FAM81B: variants seen among roughly 807,000 people sequenced by gnomAD.
The protein encoded by FAM81B is protein FAM81B.
FAM81B carries 60 observed loss-of-function variants against 58.7 expected under a neutral mutation model. The observed-to-expected ratio is 1.02, with a 90% CI of 0.83 to 1.27. The LOEUF is 1.27. Among genes scored for constraint, FAM81B ranks in the 50% most tolerant of loss-of-function variants. The pLI is 0.00. For missense variants in FAM81B, 491 were observed against 522.0 expected (o/e 0.94, Z 0.58); for synonymous variants, 189 against 179.6 (o/e 1.05, Z -0.42).
chr5:95,443,475 T>A (rs1745442208), intron 7 of FAM81B, among the ~76,000 whole-genome samples: 1 of 152,182 alleles, frequency 6.6e-6, no homozygotes, highest in Non-Finnish European at 1.5e-5. Flanking sequence ...TCTGTATACA[T>A]CTAATAGAAA....
At chr5:95,435,239 T>G (rs1214262052) in intron 6 of FAM81B, among the ~76,000 whole-genome samples, 1 of 152,236 alleles carries the variant, frequency 6.6e-6, no homozygotes, top group Non-Finnish European at 1.5e-5. Context: ...CACATTTTCA[T>G]GTGAAACACT....
chr5:95,440,815 G>C, intron 7 of FAM81B: 1 of 230,618 alleles, frequency 4.3e-6, no homozygotes, highest in Non-Finnish European at 8.7e-6. Flanking sequence ...CTATGTTCTA[G>C]TGCTTTTTTC....
At chr5:95,430,469 C>T (rs774144756) in intron 6 of FAM81B, among the ~76,000 whole-genome samples, 3 of 150,626 alleles carry the variant, frequency 2.0e-5, no homozygotes, top group Non-Finnish European at 4.4e-5. Context: ...ATATCCTGAA[C>T]ATCTTTCCAT....
At chr5:95,444,172 G>T (rs1745466923) in intron 7 of FAM81B, among the ~76,000 whole-genome samples, 1 of 152,144 alleles carries the variant, frequency 6.6e-6, no homozygotes, top group Non-Finnish European at 1.5e-5. Flanking sequence ...GCTAATAAAA[G>T]ATACTTAATG....
At chr5:95,426,399 G>T (rs1762831079) in intron 5 of FAM81B, among the ~76,000 whole-genome samples, 1 of 152,082 alleles carries the variant, frequency 6.6e-6, no homozygotes, top group Admixed American at 6.5e-5. Context: ...GTGGGATTAG[G>T]CTAGTGGGTG....
chr5:95,430,391 A>G (rs984974168), intron 6 of FAM81B, among the ~76,000 whole-genome samples: 7 of 149,300 alleles, frequency 4.7e-5, no homozygotes, highest in Non-Finnish European at 8.9e-5. Context: ...GTGTATATAT[A>G]TATAGTATAT....
chr5:95,425,143 A>G (rs1183807921), intron 5 of FAM81B, among the ~76,000 whole-genome samples: 1 of 151,736 alleles, frequency 6.6e-6, no homozygotes, highest in African/African-American at 2.4e-5. Flanking sequence ...AACTAATAGA[A>G]GGCCCTGAAG....
intron 5 of FAM81B, among the ~76,000 whole-genome samples, chr5:95,427,307 C>T (rs1762871914): frequency 6.6e-6 from 1 of 152,086 alleles, no homozygotes; most frequent in Admixed American, 6.6e-5. Context: ...ATAGAGGTGC[C>T]ATTCTGACAA....
At chr5:95,392,092 G>A (rs369765182) in intron 1 of FAM81B, among the ~76,000 whole-genome samples, 1 of 152,114 alleles carries the variant, frequency 6.6e-6, no homozygotes. Context: ...GCAAAGACTT[G>A]GAACCAACCC....
At chr5:95,446,287 G>A (rs1745554545) in intron 7 of FAM81B, among the ~76,000 whole-genome samples, 1 of 152,176 alleles carries the variant, frequency 6.6e-6, no homozygotes, top group Non-Finnish European at 1.5e-5. Flanking sequence ...TTTCAGTGTG[G>A]CTGTGGTTAG....
At chr5:95,422,844 A>G (rs2152765448) in intron 5 of FAM81B, among the ~76,000 whole-genome samples, 1 of 152,348 alleles carries the variant, frequency 6.6e-6, no homozygotes, top group South Asian at 2.1e-4. Context: ...ACATCAAGAT[A>G]CGCAATTCTT....
chr5:95,407,810 T>C (rs1335434259), intron 3 of FAM81B, among the ~76,000 whole-genome samples: 1 of 152,240 alleles, frequency 6.6e-6, no homozygotes, highest in African/African-American at 2.4e-5. Flanking sequence ...CATCTGAGTC[T>C]CAGACCTTCC....
chr5:95,445,556 AAAAATCT>A (rs1476587248), intron 7 of FAM81B, among the ~76,000 whole-genome samples: 2 of 152,120 alleles, frequency 1.3e-5, no homozygotes, highest in Non-Finnish European at 2.9e-5. Context: ...TTCTATTCTT[AAAAATCT>A]TTCATTCTCT....
chr5:95,431,177 T>C (rs565723235), intron 6 of FAM81B, among the ~76,000 whole-genome samples: 1 of 152,174 alleles, frequency 6.6e-6, no homozygotes, highest in South Asian at 2.1e-4. Context: ...TCTCTAGTTG[T>C]AGTTGAATTT....
chr5:95,421,329 A>G (rs1426309030), intron 5 of FAM81B, among the ~76,000 whole-genome samples: 1 of 152,222 alleles, frequency 6.6e-6, no homozygotes, highest in African/African-American at 2.4e-5. Flanking sequence ...ACTTGAGCTG[A>G]GTTTTGAAGG....
At chr5:95,427,178 G>T (rs962984079) in intron 5 of FAM81B, among the ~76,000 whole-genome samples, 4 of 152,184 alleles carry the variant, frequency 2.6e-5, no homozygotes, top group African/African-American at 9.7e-5. Flanking sequence ...CCCTGAGGGT[G>T]GGAAACAAAA....
At chr5:95,403,843 C>T (rs530338891) in intron 3 of FAM81B, among the ~76,000 whole-genome samples, 1 of 152,086 alleles carries the variant, frequency 6.6e-6, no homozygotes, top group South Asian at 2.1e-4. Flanking sequence ...CATGCTCTTA[C>T]CATAACCAAT....
At chr5:95,433,768 T>A (rs985002960) in intron 6 of FAM81B, among the ~76,000 whole-genome samples, 2 of 152,194 alleles carry the variant, frequency 1.3e-5, no homozygotes, top group Non-Finnish European at 2.9e-5. Flanking sequence ...CCTTACTTAT[T>A]TTTTAGTCTA....
chr5:95,400,766 G>T (rs752264550), intron 3 of FAM81B, among the ~76,000 whole-genome samples: 8 of 152,006 alleles, frequency 5.3e-5, no homozygotes, highest in Admixed American at 4.6e-4. Flanking sequence ...AGGTGGGAGG[G>T]TCAGGAGTCC....
Sources: allele counts gnomAD v4.1 joint callset (sites outside exome capture counted in the v4.1 genomes callset), GRCh38; gene constraint gnomAD v4.1.1; transcripts MANE v1.5; gene names NCBI Gene and HGNC (gene_info 2026-07-23, HGNC 2026-07-21).